EPC2: variants seen among roughly 807,000 people sequenced by gnomAD.
EPC2 encodes the protein enhancer of polycomb 2.
In EPC2, 14 loss-of-function variants were observed where a neutral mutation model predicts 92.1. The ratio of observed to expected loss-of-function variants is 0.15; its 90% confidence interval spans 0.10 to 0.24. The LOEUF (loss-of-function observed/expected upper bound fraction) is 0.24. Ranked by LOEUF, EPC2 falls within the 10% of genes least tolerant of loss-of-function variation. The pLI is 1.00. For synonymous variants in EPC2, 340 were observed against 334.7 expected (o/e 1.02, Z -0.17); for missense variants, 755 against 971.5 (o/e 0.78, Z 2.96).
At chr2:148,682,994 T>C (rs1681435731) in intron 1 of EPC2, among the ~76,000 whole-genome samples, 1 of 152,230 alleles carries the variant, frequency 6.6e-6, no homozygotes, top group Admixed American at 6.5e-5. Context: ...TCACATGTTA[T>C]ATCTGATTCT....
In EPC2 at chr2:148,645,134, C is replaced by G; in HGVS notation, c.117C>G (p.Pro39=). The G allele has an allele frequency of 2.5e-6, 4 of 1,610,242 alleles. No homozygotes were observed. In the South Asian group the frequency reaches 4.4e-5, roughly 18 times the overall value. The part of the protein sequence containing the change: ...NDCVSINRAV[P]QMPTGMEKEE... ...GCGTCTCCATCAACCGGGCCGTGCC[C>G]CAGATGCCCACCGGGATGGAGAAGG... Residue 39 remains proline (P), a synonymous_variant, in exon 1 of 14, where the codon CCC becomes CCG. Transcript: ENST00000258484.
intron 1 of EPC2, among the ~76,000 whole-genome samples, chr2:148,675,891 A>G (rs558157907): frequency 8.1e-4 from 124 of 152,326 alleles, no homozygotes; most frequent in African/African-American, 2.8e-3. Flanking sequence ...ATCTTTGGCT[A>G]TGTGTGTAGC....
At chr2:148,703,541 G>A (rs1447967837) in intron 2 of EPC2, among the ~76,000 whole-genome samples, 1 of 152,010 alleles carries the variant, frequency 6.6e-6, no homozygotes, top group Non-Finnish European at 1.5e-5. Flanking sequence ...GTTAGTAGTA[G>A]TATTTGAGAC....
chr2:148,774,050 A>G (rs1683575854), intron 10 of EPC2, among the ~76,000 whole-genome samples: 3 of 152,166 alleles, frequency 2.0e-5, no homozygotes, highest in South Asian at 2.1e-4. Context: ...AGACTAACAC[A>G]GGATTATACT....
intron 1 of EPC2, among the ~76,000 whole-genome samples, chr2:148,646,051 G>A (rs568090021): frequency 6.6e-6 from 1 of 152,326 alleles, no homozygotes; most frequent in East Asian, 1.9e-4. Context: ...GCAGACGGTT[G>A]GATTTCATCT....
rs767716943 is a variant in EPC2 at position 148,645,180 on chromosome 2, C to G, written c.153+10C>G. ...GAAGGAGGAGGAATCGGTAGGGACT[C>G]GAGTGTTTATTACCCCCCCTTCCCT... On this transcript the variant is annotated intron_variant, in intron 1 of 13. Transcript: ENST00000258484. 1 of 1,597,846 alleles carries G rather than the reference C, an allele frequency of 6.3e-7. No homozygotes were observed. Among genetic ancestry groups the G allele is most frequent in the African/African-American group, 1.3e-5 (1 of 74,128 alleles).
intron 1 of EPC2, among the ~76,000 whole-genome samples, chr2:148,680,429 A>G (rs1681371562): frequency 6.6e-6 from 1 of 152,268 alleles, no homozygotes; most frequent in African/African-American, 2.4e-5. Context: ...TCAAGTGTAT[A>G]GAAATGATGC....
intron 3 of EPC2, among the ~76,000 whole-genome samples, chr2:148,752,056 A>G (rs1024008512): frequency 6.6e-6 from 1 of 152,192 alleles, no homozygotes; most frequent in Admixed American, 6.5e-5. Flanking sequence ...AAATCTGAGC[A>G]GGTATTTTAA....
chr2:148,762,085 G>GT, intron 5 of EPC2, 155 bp downstream of exon 5: 1 of 593,900 alleles, frequency 1.7e-6, no homozygotes, highest in Non-Finnish European at 2.7e-6. Flanking sequence ...GTGGTTACTA[G>GT]TTTTTATAGA....
intron 2 of EPC2, among the ~76,000 whole-genome samples, chr2:148,699,748 G>C (rs571738605): frequency 2.0e-5 from 3 of 152,116 alleles, no homozygotes; most frequent in Non-Finnish European, 2.9e-5. Context: ...GCTCAATTGG[G>C]TATATACTTA....
intron 1 of EPC2, among the ~76,000 whole-genome samples, chr2:148,652,427 C>T (rs1680705075): frequency 6.6e-6 from 1 of 152,080 alleles, no homozygotes; most frequent in African/African-American, 2.4e-5. Context: ...TAAAAGAAGT[C>T]TCCAGTGTCC....
At chr2:148,648,513 AG>A (rs1289266288) in intron 1 of EPC2, among the ~76,000 whole-genome samples, 1 of 152,166 alleles carries the variant, frequency 6.6e-6, no homozygotes, top group Admixed American at 6.5e-5. Flanking sequence ...TTAAATCAGT[AG>A]GCTTGTAACA....
At chr2:148,768,743 G>A (rs1020260046) in intron 7 of EPC2, among the ~76,000 whole-genome samples, 1 of 151,690 alleles carries the variant, frequency 6.6e-6, no homozygotes, top group Non-Finnish European at 1.5e-5. Context: ...CCTAGCTTTT[G>A]GCTTTATTAC....
At chr2:148,657,702 A>T (rs1680834047) in intron 1 of EPC2, among the ~76,000 whole-genome samples, 1 of 151,874 alleles carries the variant, frequency 6.6e-6, no homozygotes, top group African/African-American at 2.4e-5. Flanking sequence ...TACCAACCAA[A>T]TCACAAGTTA....
At chr2:148,745,338 C>T (rs986551287) in intron 3 of EPC2, among the ~76,000 whole-genome samples, 1 of 152,076 alleles carries the variant, frequency 6.6e-6, no homozygotes, top group Non-Finnish European at 1.5e-5. Flanking sequence ...CATCAGAAGC[C>T]TTCAGCTCTC....
At chr2:148,757,060 T>C (rs1200309650) in intron 4 of EPC2, among the ~76,000 whole-genome samples, 1 of 152,162 alleles carries the variant, frequency 6.6e-6, no homozygotes, top group Non-Finnish European at 1.5e-5. Flanking sequence ...AAAATGTCAA[T>C]ATGAACTTGT....
intron 1 of EPC2, among the ~76,000 whole-genome samples, chr2:148,680,632 A>G (rs572338162): frequency 1.3e-5 from 2 of 152,338 alleles, no homozygotes; most frequent in South Asian, 2.1e-4. Context: ...CACTATAAAC[A>G]TAGAATGAAG....
At chr2:148,650,127 T>C (rs1029865100) in intron 1 of EPC2, among the ~76,000 whole-genome samples, 1 of 152,180 alleles carries the variant, frequency 6.6e-6, no homozygotes, top group Non-Finnish European at 1.5e-5. Context: ...GCAAAGATCT[T>C]TGCTTATTTT....
intron 2 of EPC2, among the ~76,000 whole-genome samples, chr2:148,698,841 TAA>T (rs1553445168): frequency 0.011 from 1,637 of 147,890 alleles, 34 homozygotes; most frequent in African/African-American, 0.039. Context: ...TTTTTTTTTT[TAA>T]AAAAAAAGCA....
Sources: gnomAD v4.1 joint callset for allele counts (sites outside exome capture counted in the v4.1 genomes callset) on GRCh38, gnomAD v4.1.1 for gene constraint, MANE v1.5 for transcripts, NCBI Gene and HGNC (gene_info 2026-07-23, HGNC 2026-07-21) for gene names.